The following KATNBL1 variants were observed in gnomAD, a reference collection of about 807,000 sequenced individuals.
The protein encoded by KATNBL1 is katanin regulatory subunit B1 like 1.
KATNBL1 carries 28 observed loss-of-function variants against 44.7 expected under a neutral mutation model. That is an observed-to-expected ratio of 0.63 (90% CI 0.46 to 0.86). The LOEUF (loss-of-function observed/expected upper bound fraction) is 0.86, where lower values mean the gene tolerates loss of function less well. Ranked by LOEUF, KATNBL1 falls within the 40% of genes least tolerant of loss-of-function variation. The pLI is 0.00. For missense variants in KATNBL1, 272 were observed against 350.7 expected, an observed-to-expected ratio of 0.78 and a Z score of 1.79; for synonymous variants, 78 against 114.9, an observed-to-expected ratio of 0.68 and a Z score of 2.06.
At chr15:34,195,142 A>G (rs1370029912) in intron 1 of KATNBL1, among the ~76,000 whole-genome samples, 1 of 147,084 alleles carries the variant, frequency 6.8e-6, no homozygotes. Flanking sequence ...AGACACCTGC[A>G]CTCATATGTT....
intron 2 of KATNBL1, among the ~76,000 whole-genome samples, chr15:34,160,313 C>G (rs992122739): frequency 2.0e-5 from 3 of 152,076 alleles, no homozygotes; most frequent in Non-Finnish European, 4.4e-5. Context: ...GAATTTTTGC[C>G]TTCTGCTTTT....
At chr15:34,168,680 T>A (rs1302970227) in intron 1 of KATNBL1, among the ~76,000 whole-genome samples, 1 of 152,108 alleles carries the variant, frequency 6.6e-6, no homozygotes, top group African/African-American at 2.4e-5. Flanking sequence ...ATTGACCACA[T>A]AGTTGGAAGT....
chr15:34,165,716 C>T (rs1210419955), intron 1 of KATNBL1, among the ~76,000 whole-genome samples: 2 of 152,120 alleles, frequency 1.3e-5, no homozygotes, highest in Non-Finnish European at 2.9e-5. Flanking sequence ...ATCGCTTGAA[C>T]CCGGGAGGCT....
chr15:34,143,966 CAAAAAAAAAAAAA>C (rs61591705), intron 9 of KATNBL1, among the ~76,000 whole-genome samples: 1 of 66,404 alleles, frequency 1.5e-5, no homozygotes, highest in Non-Finnish European at 2.4e-5. Flanking sequence ...GATTCCATCT[CAAAAAAAAAAAAA>C]AAAAAAAAAG....
intron 2 of KATNBL1, 114 bp downstream of exon 2, chr15:34,163,446 T>C: frequency 8.0e-7 from 1 of 1,242,706 alleles, no homozygotes; most frequent in Non-Finnish European, 1.1e-6. Flanking sequence ...AACTTAATTC[T>C]GGGAGATTAA....
chr15:34,205,740 T>C (rs1890278620), intron 1 of KATNBL1, among the ~76,000 whole-genome samples: 1 of 152,222 alleles, frequency 6.6e-6, no homozygotes, highest in Admixed American at 6.5e-5. Context: ...TTCCTTCATT[T>C]CTTCACTCGT....
At chr15:34,143,793 C>CAAAAAAAAA (rs560420668) in intron 9 of KATNBL1, among the ~76,000 whole-genome samples, 689 of 62,682 alleles carry the variant, frequency 0.011, no homozygotes, top group Non-Finnish European at 0.014. Flanking sequence ...ACTAAAAATA[C>CAAAAAAAAA]AAAAAAAAAA....
intron 1 of KATNBL1, among the ~76,000 whole-genome samples, chr15:34,191,327 G>C (rs1376695436): frequency 6.6e-6 from 1 of 151,430 alleles, no homozygotes; most frequent in Non-Finnish European, 1.5e-5. Context: ...ACCACAATTT[G>C]TTTATTCACC....
chr15:34,166,613 G>A (rs1419757050), intron 1 of KATNBL1, among the ~76,000 whole-genome samples: 2 of 152,240 alleles, frequency 1.3e-5, no homozygotes, highest in African/African-American at 2.4e-5. Context: ...TTTGAGCTCT[G>A]AGAATGGACA....
chr15:34,192,036 A>C (rs1237962393), intron 1 of KATNBL1, among the ~76,000 whole-genome samples: 1 of 151,262 alleles, frequency 6.6e-6, no homozygotes, highest in Non-Finnish European at 1.5e-5. Context: ...GTATCAACGA[A>C]GTAAGATATG....
chr15:34,147,271 T>C lies in KATNBL1; in HGVS notation c.627A>G (p.Gln209=), dbSNP rs1288354906. 5 of 1,612,918 alleles carry C rather than the reference T, an allele frequency of 3.1e-6. No homozygotes were observed. The highest frequency in any genetic ancestry group is 2.2e-5 in the South Asian group (2 of 91,026). Residue 209 remains glutamine, a synonymous_variant, in exon 7 of 10, where the codon CAA becomes CAG. Transcript: ENST00000256544. ...VLTNCLQEEK[Q]YISLGCCVDL... ...CAACACAGCAGCCAAGTGAGATATA[T>C]TGTTTTTCTTCCTGTAAACTAAAAT...
At chr15:34,207,017 CTTG>C (rs113958947) in intron 1 of KATNBL1, among the ~76,000 whole-genome samples, 5,190 of 150,026 alleles carry the variant, frequency 0.035, 292 homozygotes, top group African/African-American at 0.12. Context: ...TATGATGCAT[CTTG>C]TTGTTACTAG....
At chr15:34,188,592 A>G (rs1889789675) in intron 1 of KATNBL1, among the ~76,000 whole-genome samples, 1 of 152,154 alleles carries the variant, frequency 6.6e-6, no homozygotes, top group Admixed American at 6.6e-5. Flanking sequence ...CAGACTCTGA[A>G]AAACAAAACA....
chr15:34,149,668 G>T (rs552223979), intron 4 of KATNBL1, among the ~76,000 whole-genome samples: 7 of 152,268 alleles, frequency 4.6e-5, no homozygotes, highest in Admixed American at 3.9e-4. Context: ...CACATGATCC[G>T]CCTGCCTTGG....
At chr15:34,209,132 G>A (rs1178260330) in intron 1 of KATNBL1, 1 of 152,158 alleles carries the variant, frequency 6.6e-6, no homozygotes. Context: ...AAGCCTCAAT[G>A]GATGACGTTT....
intron 1 of KATNBL1, among the ~76,000 whole-genome samples, chr15:34,165,328 C>T (rs74417553): frequency 9.4e-5 from 14 of 148,728 alleles, no homozygotes; most frequent in South Asian, 2.1e-4. Flanking sequence ...TTTTTTTTTT[C>T]AAAAAAGGGG....
chr15:34,209,825 G>C (rs1890387931), intron 1 of KATNBL1, 126 bp downstream of exon 1: 1 of 150,030 alleles, frequency 6.7e-6, no homozygotes, highest in Non-Finnish European at 1.5e-5. Flanking sequence ...CCGCGAGCCC[G>C]GCCGAGCCGA....
chr15:34,204,414 C>T (rs1027613097), intron 1 of KATNBL1, among the ~76,000 whole-genome samples: 8 of 152,128 alleles, frequency 5.3e-5, no homozygotes, highest in Non-Finnish European at 8.8e-5. Context: ...TATCTGAGTA[C>T]GGCTGGTTCC....
At chr15:34,161,249 TA>T (rs1006359725) in intron 2 of KATNBL1, among the ~76,000 whole-genome samples, 27 of 152,330 alleles carry the variant, frequency 1.8e-4, no homozygotes, top group African/African-American at 6.5e-4. Flanking sequence ...GGTATGTGAT[TA>T]TTTTTTTTCC....
Sources: allele counts gnomAD v4.1 joint callset (sites outside exome capture counted in the v4.1 genomes callset), GRCh38; gene constraint gnomAD v4.1.1; transcripts MANE v1.5; gene names NCBI Gene and HGNC (gene_info 2026-07-23, HGNC 2026-07-21).